ZNF536: variants seen among roughly 807,000 people sequenced by gnomAD.
ZNF536 encodes the protein zinc finger protein 536.
ZNF536 carries 13 observed loss-of-function variants against 84.5 expected under a neutral mutation model. The ratio of observed to expected loss-of-function variants is 0.15; its 90% confidence interval spans 0.10 to 0.24. The LOEUF (loss-of-function observed/expected upper bound fraction) is 0.24. Ranked by LOEUF, ZNF536 falls within the 10% of genes least tolerant of loss-of-function variation. ZNF536 has a pLI of 1.00. For missense variants in ZNF536, 1,536 were observed against 1,747.5 expected, an observed-to-expected ratio of 0.88 and a Z score of 2.16; for synonymous variants, 811 against 742.5, an observed-to-expected ratio of 1.09 and a Z score of -1.50.
rs1422019773 is a variant in ZNF536 at position 30,383,652 on chromosome 19, TTCTCTCTTTC to T, written c.-3+11100_-3+11109del. Reference sequence around the variant, plus strand: ...TTTCTTCCTTTCTTCCTTCCTTTCTTTCTCTCTTTCTCTTTCTTTCTTCCTTTCTTCCTTC... The same window carrying T: ...TTTCTTCCTTTCTTCCTTCCTTTCTTTCTTTCTTTCTTCCTTTCTTCCTTC... On this transcript the variant is annotated intron_variant, in intron 1 of 4. Coordinates refer to ENST00000355537, the MANE Select transcript of ZNF536 (RefSeq NM_014717.3). 4.0e-3 allele frequency among the ~76,000 whole-genome samples: 482 copies of T among 120,734 alleles called. 19 individuals carry two copies. The highest frequency in any genetic ancestry group is 0.01 in the South Asian group (36 of 3,520). 79.2% of individuals were successfully genotyped at this position (120,734 alleles called of 152,430 possible).
chr19:30,284,509 G>A (rs897371997), intron 2 of ZNF536, among the ~76,000 whole-genome samples: 1 of 152,208 alleles, frequency 6.6e-6, no homozygotes, highest in Non-Finnish European at 1.5e-5. Context: ...CTGTGGTCGG[G>A]CTCCCCATCA....
upstream of ZNF536, among the ~76,000 whole-genome samples, chr19:30,372,248 C>T (rs925371399): frequency 1.3e-5 from 2 of 152,146 alleles, no homozygotes; most frequent in South Asian, 4.1e-4. Context: ...CACCAGTGAG[C>T]AGAGGCAGTT....
Position 30,334,761 on chromosome 19 carries a change from A to T in ZNF536, c.-119-17607A>T, listed in dbSNP as rs1410248437. Among the ~76,000 whole-genome samples, 2 of 152,142 alleles carry T rather than the reference A, an allele frequency of 1.3e-5. 1 individual carries two copies. Among genetic ancestry groups the T allele is most frequent in the Non-Finnish European group, 2.9e-5 (2 of 68,032 alleles). On this transcript the variant is annotated intron_variant, in intron 2 of 5. Coordinates refer to the ZNF536 transcript ENST00000585628. Reference sequence around the variant, plus strand: ...GTTTCCAACCATTTTGGCACCGGGGATCTGTTTCATGGAAAACAATTTTTT... The same window carrying T: ...GTTTCCAACCATTTTGGCACCGGGGTTCTGTTTCATGGAAAACAATTTTTT...
rs576020662 is a variant in ZNF536, at chr19:30,272,913, A to T, written c.-189-11159A>T. Among the ~76,000 whole-genome samples, 524 of 152,024 alleles carry T rather than the reference A, an allele frequency of 3.4e-3. 4 individuals are homozygous for T. The highest frequency in any genetic ancestry group is 0.012 in the African/African-American group (506 of 41,466). ...TAAACATTCATGCGCATTTTTTTTTAAATTTTTTACTTTTTAAGAGACAGG... is the reference window on the plus strand; with the variant it reads ...TAAACATTCATGCGCATTTTTTTTTTAATTTTTTACTTTTTAAGAGACAGG... On this transcript the variant is annotated intron_variant, in intron 1 of 5. Transcript: ENST00000585628.
intron 2 of ZNF536, among the ~76,000 whole-genome samples, chr19:30,329,145 T>G (rs899416737): frequency 6.6e-6 from 1 of 152,134 alleles, no homozygotes; most frequent in African/African-American, 2.4e-5. Flanking sequence ...GGGCTCTCAG[T>G]AGACAAACAC....
At position 30,332,759 on chromosome 19, in the gene ZNF536, C is replaced by T. The variant is rs140626159; in HGVS notation, c.-119-19609C>T. 4.7e-4 allele frequency among the ~76,000 whole-genome samples: 71 copies of T among 152,298 alleles called. 2 individuals carry two copies. In the East Asian group the frequency reaches 0.011, roughly 24 times the overall value. ...CCTTGCTGTGACCTAGCACCCAGTA[C>T]GATGCCTGATTCATAAAAAGCACTT... On this transcript the variant is annotated intron_variant, in intron 2 of 5. Transcript: ENST00000585628.
At chr19:30,380,265 G>A (rs1453859392) in intron 1 of ZNF536, among the ~76,000 whole-genome samples, 4 of 152,098 alleles carry the variant, frequency 2.6e-5, no homozygotes, top group South Asian at 2.1e-4. Flanking sequence ...CCCCTAATTA[G>A]CCAGCCTTAG....
At chr19:30,262,631 C>T (rs1028602620) in intron 1 of ZNF536, among the ~76,000 whole-genome samples, 8 of 152,100 alleles carry the variant, frequency 5.3e-5, no homozygotes, top group African/African-American at 7.2e-5. Flanking sequence ...TGCTGGTGTT[C>T]GTGGAATGCT....
chr19:30,617,541 T>A (rs555851528), intron 1 of ZNF536, among the ~76,000 whole-genome samples: 2 of 151,174 alleles, frequency 1.3e-5, no homozygotes, highest in Non-Finnish European at 3.0e-5. Flanking sequence ...TAGTAGAGAC[T>A]GGGTTTCACT....
At chr19:30,309,168 C>G (rs533536974) in intron 2 of ZNF536, among the ~76,000 whole-genome samples, 1 of 152,150 alleles carries the variant, frequency 6.6e-6, no homozygotes, top group East Asian at 1.9e-4. Flanking sequence ...GGTCGCCAAG[C>G]GAATGAAATG....
At chr19:30,356,375 T>A (rs1055718338) in intron 3 of ZNF536, among the ~76,000 whole-genome samples, 1 of 152,224 alleles carries the variant, frequency 6.6e-6, no homozygotes, top group African/African-American at 2.4e-5. Flanking sequence ...GATCCTGCGG[T>A]GGGCTGGGCT....
chr19:30,704,533 G>A (rs1381067056), intron 1 of ZNF536, among the ~76,000 whole-genome samples: 4 of 151,326 alleles, frequency 2.6e-5, no homozygotes, highest in African/African-American at 9.7e-5. Context: ...TGTAATCCCA[G>A]CTACTTGGGA....
chr19:30,533,301 G>A (rs2044930929), intron 2 of ZNF536, among the ~76,000 whole-genome samples: 1 of 152,096 alleles, frequency 6.6e-6, no homozygotes, highest in Non-Finnish European at 1.5e-5. Context: ...CGGAAAGATT[G>A]CTTGAGGCCA....
At chr19:30,624,350 A>G (rs564612031) in intron 1 of ZNF536, among the ~76,000 whole-genome samples, 1 of 152,098 alleles carries the variant, frequency 6.6e-6, no homozygotes, top group Admixed American at 6.5e-5. Flanking sequence ...GCCTGCCTTG[A>G]GCCTCAGGGT....
intron 1 of ZNF536, among the ~76,000 whole-genome samples, chr19:30,260,084 T>C (rs2025129468): frequency 6.6e-6 from 1 of 152,220 alleles, no homozygotes; most frequent in South Asian, 2.1e-4. Flanking sequence ...TTCTTTCTTC[T>C]GCCTTTCTAA....
At position 30,269,335 on chromosome 19, in the gene ZNF536, C is replaced by T. The variant is rs540592280; in HGVS notation, c.-189-14737C>T. Among the ~76,000 whole-genome samples the T allele has an allele frequency of 8.5e-5, 13 of 152,216 alleles. No individual in the cohort carries two copies. The East Asian group carries it at 1.7e-3, about 20-fold the overall frequency. ...AGCAAGGTTTGGTGGAGACAGTGGT[C>T]ACTGGGCTGGTGCTCAACTGGAAGT... On this transcript the variant is annotated intron_variant, in intron 1 of 5. Transcript: ENST00000585628.
At chr19:30,435,492 G>A (rs751111811) in intron 1 of ZNF536, among the ~76,000 whole-genome samples, 16 of 151,528 alleles carry the variant, frequency 1.1e-4, no homozygotes, top group East Asian at 1.9e-4. Flanking sequence ...TGATGATGAC[G>A]ATGGTGATGA....
intron 2 of ZNF536, among the ~76,000 whole-genome samples, chr19:30,493,580 G>A (rs1404589682): frequency 6.6e-6 from 1 of 152,208 alleles, no homozygotes; most frequent in Non-Finnish European, 1.5e-5. Flanking sequence ...CATCCAGGTA[G>A]TAGAAATTCA....
intron 3 of ZNF536, among the ~76,000 whole-genome samples, chr19:30,535,255 TCG>T (rs2045020456): frequency 6.6e-6 from 1 of 152,136 alleles, no homozygotes; most frequent in South Asian, 2.1e-4. Flanking sequence ...GATAACTGGG[TCG>T]CGTCTGAGCC....
Sources: gnomAD v4.1 joint callset for allele counts (sites outside exome capture counted in the v4.1 genomes callset) on GRCh38, gnomAD v4.1.1 for gene constraint, MANE v1.5 for transcripts, NCBI Gene and HGNC (gene_info 2026-07-23, HGNC 2026-07-21) for gene names.